The following FER variants were observed in gnomAD, a reference collection of about 807,000 sequenced individuals.
FER encodes the protein tyrosine-protein kinase Fer.
Under a neutral mutation model 111.0 loss-of-function variants are expected in FER, and 63 were observed. The ratio of observed to expected loss-of-function variants is 0.57; its 90% confidence interval spans 0.46 to 0.70. The LOEUF (loss-of-function observed/expected upper bound fraction) is 0.70, where lower values mean the gene tolerates loss of function less well. Ranked by LOEUF, FER falls within the 30% of genes least tolerant of loss-of-function variation. The pLI is 0.00. For synonymous variants in FER, 327 were observed against 313.9 expected (o/e 1.04, Z -0.44); for missense variants, 914 against 954.0 (o/e 0.96, Z 0.55).
At chr5:109,091,600 A>G (rs1178091912) in intron 16 of FER, among the ~76,000 whole-genome samples, 2 of 152,134 alleles carry the variant, frequency 1.3e-5, no homozygotes, top group Non-Finnish European at 2.9e-5. Context: ...AGCCACCAAC[A>G]TGGAAAGCCA....
chr5:108,769,153 A>T (rs1389178668), intron 2 of FER, among the ~76,000 whole-genome samples: 1 of 152,190 alleles, frequency 6.6e-6, no homozygotes, highest in Non-Finnish European at 1.5e-5. Flanking sequence ...TAAGGAAAGC[A>T]AAAGAACAGA....
intron 16 of FER, among the ~76,000 whole-genome samples, chr5:109,071,559 A>G (rs1279344844): frequency 1.3e-5 from 2 of 152,030 alleles, no homozygotes; most frequent in Non-Finnish European, 2.9e-5. Context: ...GCTTGAAAAT[A>G]TACAAAGATC....
Position 108,848,029 on chromosome 5 carries a change from G to A in FER, c.481+12222G>A, listed in dbSNP as rs1300095461. Among the ~76,000 whole-genome samples, 5 of 151,972 alleles carry A rather than the reference G, an allele frequency of 3.3e-5. No homozygotes were observed. In the South Asian group the frequency reaches 8.3e-4, roughly 25 times the overall value. On this transcript the variant is annotated intron_variant, in intron 5 of 19. Transcript: ENST00000281092. Reference sequence around the variant, plus strand: ...CAGCCAACTGTGTAGCTGGGAATACGAGCATGTGTTGCCATGCCCAGCTAA... The same window carrying A: ...CAGCCAACTGTGTAGCTGGGAATACAAGCATGTGTTGCCATGCCCAGCTAA...
At chr5:109,052,757 G>A (rs750431284) in intron 16 of FER, among the ~76,000 whole-genome samples, 3 of 152,172 alleles carry the variant, frequency 2.0e-5, no homozygotes, top group Non-Finnish European at 4.4e-5. Flanking sequence ...ATTATGAGTA[G>A]TACTTACACT....
chr5:109,070,608 G>A (rs1775658780), intron 16 of FER, among the ~76,000 whole-genome samples: 2 of 151,888 alleles, frequency 1.3e-5, no homozygotes, highest in African/African-American at 4.8e-5. Flanking sequence ...TTGCGAGGTG[G>A]ACCTGTTGTT....
intron 17 of FER, among the ~76,000 whole-genome samples, chr5:109,146,115 A>G (rs1044244318): frequency 6.9e-6 from 1 of 145,752 alleles, no homozygotes; most frequent in South Asian, 2.1e-4. Context: ...ATAGTTTTCC[A>G]TTTTAATTGT....
At chr5:108,909,934 A>G (rs1027794660) in intron 10 of FER, among the ~76,000 whole-genome samples, 12 of 151,872 alleles carry the variant, frequency 7.9e-5, no homozygotes, top group Non-Finnish European at 4.4e-5. Flanking sequence ...ATTTTTAAAA[A>G]GCCACAAAAC....
chr5:108,800,971 C>T (rs902753251), intron 3 of FER, among the ~76,000 whole-genome samples: 19 of 152,068 alleles, frequency 1.2e-4, no homozygotes, highest in African/African-American at 2.2e-4. Flanking sequence ...GGCGTGAACC[C>T]GGGAGGCGGA....
chr5:108,862,818 A>T (rs1763658864), intron 5 of FER, among the ~76,000 whole-genome samples: 1 of 152,086 alleles, frequency 6.6e-6, no homozygotes, highest in Non-Finnish European at 1.5e-5. Context: ...CAGAAACTTA[A>T]ACTAGCTTAA....
chr5:108,779,644 C>G (rs912932063), intron 2 of FER, among the ~76,000 whole-genome samples: 2 of 152,184 alleles, frequency 1.3e-5, no homozygotes, highest in African/African-American at 2.4e-5. Context: ...AGCCTTGAAG[C>G]CTGCCATTGC....
intron 3 of FER, among the ~76,000 whole-genome samples, chr5:108,821,713 T>C (rs913766756): frequency 6.6e-6 from 1 of 151,588 alleles, no homozygotes; most frequent in African/African-American, 2.4e-5. Context: ...AATTCTATAA[T>C]ATAATTATTT....
chr5:109,018,324 TTATA>T (rs1204566291), intron 13 of FER, among the ~76,000 whole-genome samples: 3 of 151,864 alleles, frequency 2.0e-5, no homozygotes, highest in Admixed American at 2.0e-4. Flanking sequence ...TGATAATTGA[TTATA>T]TAAAGATTTG....
chr5:109,099,003 C>T (rs1398294350), intron 16 of FER, among the ~76,000 whole-genome samples: 1 of 151,370 alleles, frequency 6.6e-6, no homozygotes, highest in Non-Finnish European at 1.5e-5. Context: ...AGCTTTTCTA[C>T]TTAAGAAAGC....
chr5:108,914,232 T>A (rs1012841542), intron 10 of FER, among the ~76,000 whole-genome samples: 16 of 58,168 alleles, frequency 2.8e-4, no homozygotes, highest in African/African-American at 1.5e-3. Flanking sequence ...CTTGTCTCTC[T>A]GTGTGTGTGT....
At chr5:108,845,039 T>TATATATAC (rs1761843554) in intron 5 of FER, among the ~76,000 whole-genome samples, 1 of 52,114 alleles carries the variant, frequency 1.9e-5, no homozygotes, top group Admixed American at 2.6e-4. Context: ...TATATATATA[T>TATATATAC]ACATATATAT....
intron 10 of FER, among the ~76,000 whole-genome samples, chr5:108,900,697 T>C (rs543441358): frequency 2.9e-4 from 44 of 152,342 alleles, no homozygotes; most frequent in Non-Finnish European, 5.7e-4. Flanking sequence ...TCTTCGGTGG[T>C]GAATGCTTCT....
chr5:108,905,480 A>G (rs964339466), intron 10 of FER, among the ~76,000 whole-genome samples: 22 of 152,186 alleles, frequency 1.4e-4, no homozygotes, highest in African/African-American at 5.3e-4. Context: ...TTAAATATCT[A>G]CTATGATTAA....
At position 108,863,708 on chromosome 5, in the gene FER, A is replaced by G. The variant is rs893205329; in HGVS notation, c.482-4059A>G. 1.6e-4 allele frequency among the ~76,000 whole-genome samples: 24 copies of G among 152,162 alleles called. 1 individual carries two copies. Among genetic ancestry groups the G allele is most frequent in the African/African-American group, 4.8e-5 (2 of 41,444 alleles). On this transcript the variant is annotated intron_variant, in intron 5 of 19. Transcript: ENST00000281092. ...GAGGCAAAAAATTTACTGATTTCTG[A>G]TAAACATTAAAAAAATTCAAATAGA...
chr5:108,877,581 A>C (rs554241203), intron 8 of FER, among the ~76,000 whole-genome samples: 84 of 152,348 alleles, frequency 5.5e-4, no homozygotes, highest in African/African-American at 1.6e-3. Context: ...ATATTTTAAG[A>C]AAGAGATGGC....
Sources: gnomAD v4.1 joint callset for allele counts (sites outside exome capture counted in the v4.1 genomes callset) on GRCh38, gnomAD v4.1.1 for gene constraint, MANE v1.5 for transcripts, NCBI Gene and HGNC (gene_info 2026-07-23, HGNC 2026-07-21) for gene names.